NFU1: variants seen among roughly 807,000 people sequenced by gnomAD.
NFU1 encodes the protein NFU1 iron-sulfur cluster scaffold homolog, mitochondrial.
A neutral mutation model predicts 32.2 loss-of-function variants in NFU1; 30 were observed. The observed-to-expected ratio is 0.93, with a 90% CI of 0.70 to 1.26. NFU1 has a LOEUF of 1.26. Ranked by LOEUF, NFU1 falls within the 50% of genes most tolerant of loss-of-function variation. NFU1 has a pLI of 0.00. For missense variants in NFU1, 306 were observed against 306.6 expected (o/e 1.00, Z 0.02); for synonymous variants, 112 against 104.6 (o/e 1.07, Z -0.43).
chr2:69,427,886 G>A (rs1174934509), intron 2 of NFU1, among the ~76,000 whole-genome samples: 1 of 151,810 alleles, frequency 6.6e-6, no homozygotes, highest in Admixed American at 6.6e-5. Context: ...AGCCAGGCGT[G>A]GTAGTGCGCT....
intron 6 of NFU1, among the ~76,000 whole-genome samples, chr2:69,402,484 G>C (rs1367751583): frequency 1.3e-5 from 2 of 152,114 alleles, no homozygotes; most frequent in Admixed American, 1.3e-4. Flanking sequence ...ACAAGCCACT[G>C]TGCCCAGCCA....
intron 5 of NFU1, among the ~76,000 whole-genome samples, chr2:69,413,723 C>A (rs2104767708): frequency 6.6e-6 from 1 of 152,244 alleles, no homozygotes; most frequent in East Asian, 1.9e-4. Context: ...CATGCCACTG[C>A]ACTCCAGCCT....
chr2:69,415,966 A>G (rs1046574891), intron 4 of NFU1, among the ~76,000 whole-genome samples: 2 of 146,708 alleles, frequency 1.4e-5, no homozygotes, highest in African/African-American at 5.1e-5. Context: ...GTCTCTTTTT[A>G]TATTTTTAAA....
chr2:69,418,615 C>T (rs955760175), intron 4 of NFU1, among the ~76,000 whole-genome samples: 2 of 152,048 alleles, frequency 1.3e-5, no homozygotes, highest in East Asian at 3.9e-4. Flanking sequence ...TACAGGCGCC[C>T]GCCACCATGC....
chr2:69,431,852 G>T, intron 2 of NFU1, 50 bp downstream of exon 2: 1 of 1,091,316 alleles, frequency 9.2e-7, no homozygotes, highest in Non-Finnish European at 1.4e-6. Flanking sequence ...TCCTAGCACA[G>T]TTCCATCAGT....
At chr2:69,431,765 A>G in intron 2 of NFU1, 137 bp downstream of exon 2, 3 of 662,764 alleles carry the variant, frequency 4.5e-6, no homozygotes, top group Non-Finnish European at 8.0e-6. Flanking sequence ...AGAAAAATAT[A>G]GCTTTTTTTC....
chr2:69,434,975 C>A (rs953784088), intron 1 of NFU1, among the ~76,000 whole-genome samples: 1 of 152,120 alleles, frequency 6.6e-6, no homozygotes, highest in African/African-American at 2.4e-5. Context: ...CAGGACCAGT[C>A]AGAAATGCAA....
intron 7 of NFU1, among the ~76,000 whole-genome samples, chr2:69,396,526 G>A (rs557000434): frequency 4.6e-5 from 7 of 152,062 alleles, no homozygotes; most frequent in African/African-American, 1.2e-4. Flanking sequence ...CCAGGCGGGC[G>A]CCTGTAGTCC....
chr2:69,423,846 C>A (rs1673351009), intron 2 of NFU1, 129 bp from the exon 3 acceptor site: 1 of 714,042 alleles, frequency 1.4e-6, no homozygotes, highest in Non-Finnish European at 2.4e-6. Flanking sequence ...GGCTTTATTG[C>A]CCTGACAAAG....
intron 4 of NFU1, among the ~76,000 whole-genome samples, chr2:69,416,945 G>T (rs563883284): frequency 6.6e-6 from 1 of 152,070 alleles, no homozygotes; most frequent in Non-Finnish European, 1.5e-5. Context: ...TAAAAGGTGA[G>T]ATAAATGGGG....
chr2:69,408,671 G>A lies in NFU1; in HGVS notation c.485-2589C>T, dbSNP rs548217489. 4.5e-3 allele frequency among the ~76,000 whole-genome samples: 680 copies of A among 150,870 alleles called. 6 individuals are homozygous for A. Among genetic ancestry groups the A allele is most frequent in the African/African-American group, 0.016 (647 of 41,214 alleles). ...GGAGGCGGAGGTTGCAGTGAGCTGAGATCACGCCACTGCACTCCAGCCTGG... is the reference window on the plus strand; with the variant it reads ...GGAGGCGGAGGTTGCAGTGAGCTGAAATCACGCCACTGCACTCCAGCCTGG... On this transcript the variant is annotated intron_variant, in intron 5 of 7. Transcript: ENST00000410022.
upstream of NFU1, chr2:69,437,566 T>G: frequency 9.9e-7 from 1 of 1,010,342 alleles, no homozygotes; most frequent in Non-Finnish European, 1.5e-6. Context: ...TGCGGTGGCC[T>G]ACGCGCCGAG....
At chr2:69,431,287 T>C (rs565732688) in intron 2 of NFU1, among the ~76,000 whole-genome samples, 18 of 152,196 alleles carry the variant, frequency 1.2e-4, no homozygotes, top group Non-Finnish European at 7.4e-5. Flanking sequence ...ATACATAGAA[T>C]TCTTTGAAAC....
intron 4 of NFU1, chr2:69,416,084 GGAAAA>G: frequency 6.6e-6 from 1 of 150,886 alleles, no homozygotes; most frequent in Admixed American, 6.6e-5. Context: ...AAAAGGGAAA[GGAAAA>G]GAAAAGAGAT....
chr2:69,413,195 G>C (rs576545080), intron 5 of NFU1, among the ~76,000 whole-genome samples: 1 of 151,720 alleles, frequency 6.6e-6, no homozygotes, highest in South Asian at 2.1e-4. Flanking sequence ...TGAGGCAGGA[G>C]AATCGCTTGA....
chr2:69,404,824 T>C (rs1299470408), intron 6 of NFU1, among the ~76,000 whole-genome samples: 3 of 151,342 alleles, frequency 2.0e-5, no homozygotes, highest in African/African-American at 7.3e-5. Flanking sequence ...TTCAACATGT[T>C]GGCCAGGCTG....
intron 6 of NFU1, among the ~76,000 whole-genome samples, chr2:69,401,169 T>C (rs1232041866): frequency 2.0e-4 from 30 of 152,172 alleles, no homozygotes; most frequent in Admixed American, 2.0e-3. Flanking sequence ...TTCACTAAGT[T>C]TTCACAAAGT....
At chr2:69,438,998 G>A (rs1161273628), upstream of NFU1, among the ~76,000 whole-genome samples, 1 of 150,858 alleles carries the variant, frequency 6.6e-6, no homozygotes, top group Non-Finnish European at 1.5e-5. Context: ...CTTCCACCTT[G>A]GAACAATCGT....
At chr2:69,404,248 T>G (rs1282800117) in intron 6 of NFU1, among the ~76,000 whole-genome samples, 1 of 150,796 alleles carries the variant, frequency 6.6e-6, no homozygotes, top group Non-Finnish European at 1.5e-5. Context: ...TCCCGGCACT[T>G]TGGGAGGCCG....
Sources: allele counts gnomAD v4.1 joint callset (sites outside exome capture counted in the v4.1 genomes callset), GRCh38; gene constraint gnomAD v4.1.1; transcripts MANE v1.5; gene names NCBI Gene and HGNC (gene_info 2026-07-23, HGNC 2026-07-21).